Variants in UNC80 observed in about 807,000 individuals in gnomAD.
UNC80 encodes unc-80 subunit of NALCN channel complex.
UNC80 carries 164 observed loss-of-function variants against 384.6 expected under a neutral mutation model. That is an observed-to-expected ratio of 0.43 (90% confidence interval 0.38 to 0.49). UNC80 has a LOEUF of 0.49. UNC80 is among the 20% of genes least tolerant of loss of function. The pLI is 0.00. For missense variants in UNC80, 3,330 were observed against 4,143.0 expected (o/e 0.80, Z 5.39); for synonymous variants, 1,486 against 1,527.8 (o/e 0.97, Z 0.64).
chr2:209,993,552 A>G lies in UNC80; in HGVS notation c.9508+126A>G, dbSNP rs2093430425. On this transcript the variant is annotated intron_variant, in intron 63 of 64. Transcript: ENST00000673920. ...CTTTGGGGAGGTGCTAACATAAGGGAAGGAGTTTCCCAGAAAACTGTAGTG... is the reference window on the plus strand; with the variant it reads ...CTTTGGGGAGGTGCTAACATAAGGGGAGGAGTTTCCCAGAAAACTGTAGTG... The G allele has an allele frequency of 5.5e-6, 4 of 722,024 alleles. No individual in the cohort carries two copies. In the Admixed American group the frequency reaches 9.2e-5, roughly 17 times the overall value. The allele number at this position is 722,024 out of a possible 1,614,324, so 44.7% of individuals were successfully genotyped here. A position where few individuals can be genotyped will look rare whatever the true frequency, so the allele number is the denominator to read the frequency against.
chr2:209,887,020 C>T (rs532619956), intron 25 of UNC80, among the ~76,000 whole-genome samples: 5 of 152,038 alleles, frequency 3.3e-5, no homozygotes, highest in Non-Finnish European at 7.4e-5. Flanking sequence ...CCCTTTCCTT[C>T]GTCTTTTTAT....
intron 18 of UNC80, among the ~76,000 whole-genome samples, chr2:209,835,918 T>G (rs1279300059): frequency 6.6e-6 from 1 of 152,186 alleles, no homozygotes; most frequent in Non-Finnish European, 1.5e-5. Flanking sequence ...CACTTCAAAA[T>G]CTTAGAAATT....
chr2:209,777,115 C>G (rs1194344486), intron 3 of UNC80, 143 bp from the exon 4 acceptor site: 19 of 945,194 alleles, frequency 2.0e-5, no homozygotes, highest in Non-Finnish European at 2.9e-5. Context: ...GTAGGGAAGT[C>G]CAAAAAGCAA....
chr2:209,929,518 C>T (rs1465990435), intron 36 of UNC80, among the ~76,000 whole-genome samples: 1 of 152,134 alleles, frequency 6.6e-6, no homozygotes, highest in Non-Finnish European at 1.5e-5. Flanking sequence ...CATAGTTTCT[C>T]CATAAAATAA....
intron 23 of UNC80, among the ~76,000 whole-genome samples, chr2:209,873,236 A>C (rs546252827): frequency 5.3e-5 from 8 of 152,356 alleles, no homozygotes; most frequent in African/African-American, 1.7e-4. Flanking sequence ...ATATCTATTA[A>C]TAGTAAGTAG....
chr2:209,981,516 T>TG (rs749335882), intron 59 of UNC80, among the ~76,000 whole-genome samples: 10 of 152,200 alleles, frequency 6.6e-5, no homozygotes, highest in Non-Finnish European at 1.2e-4. Context: ...AGGCGGAGGT[T>TG]CAGTGAGCCA....
At chr2:209,874,136 G>A (rs764156325) in intron 23 of UNC80, among the ~76,000 whole-genome samples, 25 of 152,204 alleles carry the variant, frequency 1.6e-4, no homozygotes, top group East Asian at 9.6e-4. Flanking sequence ...TTTGTAAATC[G>A]TTGAGATAAG....
intron 2 of UNC80, 119 bp from the exon 3 acceptor site, chr2:209,775,770 T>C: frequency 1.0e-6 from 1 of 976,628 alleles, no homozygotes. Flanking sequence ...GTAATTTGCA[T>C]CTTTTAAGGG....
chr2:209,981,509 C>T (rs904272611), intron 59 of UNC80, among the ~76,000 whole-genome samples: 6 of 152,100 alleles, frequency 3.9e-5, no homozygotes, highest in African/African-American at 1.2e-4. Context: ...ACCTGGGAGG[C>T]GGAGGTTCAG....
chr2:209,877,921 TG>T, intron 23 of UNC80, 32 bp from the exon 24 acceptor site: 1 of 1,491,016 alleles, frequency 6.7e-7, no homozygotes, highest in Non-Finnish European at 8.9e-7. Context: ...TGACTTAGTT[TG>T]TGCTGTTTCA....
At position 209,777,247 on chromosome 2, in the gene UNC80, G is replaced by A. The variant is rs1433821121; in HGVS notation, c.299-11G>A. The A allele has an allele frequency of 6.4e-7, 1 of 1,568,178 alleles. No homozygotes were observed. Among genetic ancestry groups the A allele is most frequent in the Non-Finnish European group, 8.6e-7 (1 of 1,160,262 alleles). The stretch of plus-strand genomic sequence containing the variant: ...TTTTTCTTAACCTGCCTGTGTAATT[G>A]TCCCATGCAGGCCACCAGGATAAAT... On this transcript the variant is annotated splice_polypyrimidine_tract_variant and intron_variant, in intron 3 of 64. Transcript: ENST00000673920.
intron 25 of UNC80, among the ~76,000 whole-genome samples, chr2:209,885,430 G>A (rs538792366): frequency 5.9e-5 from 9 of 152,258 alleles, no homozygotes; most frequent in Admixed American, 2.0e-4. Flanking sequence ...GTAGGATTTG[G>A]ACAAGCAGAT....
intron 38 of UNC80, 59 bp from the exon 39 acceptor site, chr2:209,933,763 T>G: frequency 3.9e-4 from 548 of 1,415,500 alleles, no homozygotes; most frequent in Non-Finnish European, 4.9e-4. Flanking sequence ...GCTAAGGAAA[T>G]GAGAATGTGA....
At chr2:209,901,385 C>T (rs754119283) in intron 28 of UNC80, among the ~76,000 whole-genome samples, 2 of 152,080 alleles carry the variant, frequency 1.3e-5, no homozygotes, top group African/African-American at 4.8e-5. Flanking sequence ...GGATGACAGC[C>T]CATCTGTTTC....
At chr2:209,973,043 C>G (rs1432872742) in intron 55 of UNC80, 21 bp from the exon 56 acceptor site, 11 of 1,550,542 alleles carry the variant, frequency 7.1e-6, no homozygotes, top group Non-Finnish European at 7.9e-6. Flanking sequence ...CCACTTCCGT[C>G]TTCCAAATTC....
intron 51 of UNC80, among the ~76,000 whole-genome samples, chr2:209,960,744 C>T (rs1289146227): frequency 1.3e-5 from 2 of 152,154 alleles, no homozygotes; most frequent in Admixed American, 1.3e-4. Flanking sequence ...CCAGTACTGC[C>T]CTGGAGAACC....
At chr2:209,775,796 G>A in intron 2 of UNC80, 93 bp from the exon 3 acceptor site, 2 of 1,336,934 alleles carry the variant, frequency 1.5e-6, no homozygotes, top group Non-Finnish European at 2.1e-6. Context: ...GTACCTTGCT[G>A]TTCATTTTTT....
chr2:209,783,355 T>TA (rs1266476816), intron 4 of UNC80, among the ~76,000 whole-genome samples: 1 of 152,058 alleles, frequency 6.6e-6, no homozygotes, highest in Non-Finnish European at 1.5e-5. Flanking sequence ...GAAGAGACAT[T>TA]AGAGGCCCAG....
At chr2:209,817,151 G>A (rs1461285865) in intron 10 of UNC80, 26 bp downstream of exon 10, 2 of 1,546,416 alleles carry the variant, frequency 1.3e-6, no homozygotes, top group Admixed American at 2.0e-5. Context: ...TCCAAAATAG[G>A]GCAGAGTTTA....
Sources: gnomAD v4.1 joint callset for allele counts (sites outside exome capture counted in the v4.1 genomes callset) on GRCh38, gnomAD v4.1.1 for gene constraint, MANE v1.5 for transcripts, NCBI Gene and HGNC (gene_info 2026-07-23, HGNC 2026-07-21) for gene names.